Variants in CEBPZOS observed in about 807,000 individuals in gnomAD.
The protein encoded by CEBPZOS is CEBPZ opposite strand.
In CEBPZOS, 10 loss-of-function variants were observed where a neutral mutation model predicts 4.8. The observed-to-expected ratio is 2.07, with a 90% confidence interval of 1.28 to 3.52. CEBPZOS has a LOEUF of 3.52. Among genes scored for constraint, CEBPZOS ranks in the 30% most tolerant of loss-of-function variants. The pLI, the probability that CEBPZOS is intolerant of heterozygous loss-of-function variation, is 0.00. For missense variants in CEBPZOS, 98 were observed against 43.6 expected (o/e 2.25, Z -3.51); for synonymous variants, 25 against 14.2 (o/e 1.77, Z -1.72).
At chr2:37,211,179 G>T in intron 4 of CEBPZOS, 1 of 736,602 alleles carries the variant, frequency 1.4e-6, no homozygotes, top group Non-Finnish European at 2.2e-6. Context: ...CTGATGGTAA[G>T]GCACTATACT....
intron 3 of CEBPZOS, 74 bp from the exon 4 acceptor site, chr2:37,201,568 T>C: frequency 1.5e-6 from 1 of 646,168 alleles, no homozygotes; most frequent in Non-Finnish European, 2.8e-6. Context: ...AAAAAGAAGT[T>C]GTTTTTTTCA....
At chr2:37,215,688 C>G (rs1336084448), downstream of CEBPZOS, among the ~76,000 whole-genome samples, 2 of 152,058 alleles carry the variant, frequency 1.3e-5, no homozygotes, top group Non-Finnish European at 2.9e-5. Context: ...AGATGGCTAG[C>G]AAATATAGAA....
downstream of CEBPZOS, chr2:37,204,847 A>C (rs937401696): frequency 2.1e-4 from 32 of 152,206 alleles, no homozygotes; most frequent in Non-Finnish European, 2.9e-5. Context: ...ATGTCTTCTG[A>C]AACAGTACTT....
chr2:37,206,276 T>G (rs891202629), downstream of CEBPZOS, among the ~76,000 whole-genome samples: 1 of 152,232 alleles, frequency 6.6e-6, no homozygotes, highest in African/African-American at 2.4e-5. Context: ...GCTTCCTAAA[T>G]GAAGGAGAGA....
chr2:37,214,997 C>T, downstream of CEBPZOS: 1 of 1,194,684 alleles, frequency 8.4e-7, no homozygotes, highest in East Asian at 2.3e-5. Context: ...TAGCAATCCC[C>T]TTTATGTTAC....
rs1052783376 is a variant in CEBPZOS, at chr2:37,203,648, A to G, written c.*1788A>G. 6.6e-5 allele frequency: 10 copies of G among 152,236 alleles called. No homozygotes were observed. The highest frequency in any genetic ancestry group is 2.4e-4 in the African/African-American group (10 of 41,460). 9.4% of individuals were successfully genotyped at this position (152,236 alleles called of 1,614,324 possible). A position where few individuals can be genotyped will look rare whatever the true frequency, so the allele number is the denominator to read the frequency against. On this transcript the variant is annotated 3_prime_UTR_variant, in exon 5 of 5. Coordinates refer to ENST00000402297, the MANE Select transcript of CEBPZOS (RefSeq NM_001322374.2). The stretch of plus-strand genomic sequence containing the variant: ...TTAACGCATTTTGGTAAATTTACAG[A>G]CTTGTTCAACCACAACCACAGTCTG...
Position 37,201,316 on chromosome 2 carries a change from A to G in CEBPZOS, c.160+224A>G, listed in dbSNP as rs760386233. On this transcript the variant is annotated intron_variant, in intron 3 of 4. Transcript: ENST00000402297. ...GAATGTAAACTCTGGAATCATTCAT[A>G]TATGAGGTGATAGAATCAAACCACA... is the stretch of plus-strand genomic sequence containing the variant. The G allele has an allele frequency of 1.2e-4, 65 of 525,668 alleles. 1 individual carries two copies. The highest frequency in any genetic ancestry group is 7.2e-5 in the Admixed American group (2 of 27,612). The allele number at this position is 525,668 out of a possible 1,614,324, so 32.6% of individuals were successfully genotyped here. A position where few individuals can be genotyped will look rare whatever the true frequency, so the allele number is the denominator to read the frequency against.
downstream of CEBPZOS, chr2:37,216,144 A>G (rs754721661): frequency 1.2e-6 from 2 of 1,608,836 alleles, no homozygotes; most frequent in Non-Finnish European, 1.7e-6. Context: ...ACTTACCAGG[A>G]AGATGACGAA....
At chr2:37,211,660 C>A in intron 4 of CEBPZOS, 1 of 524,424 alleles carries the variant, frequency 1.9e-6, no homozygotes, top group Non-Finnish European at 3.3e-6. Flanking sequence ...AGAAAACACA[C>A]ATAACACACA....
exon 5 of CEBPZOS, chr2:37,213,622 C>T: frequency 5.7e-6 from 2 of 351,112 alleles, no homozygotes; most frequent in Non-Finnish European, 1.0e-5. Context: ...CCATATTGGC[C>T]AGGCTGGTCT....
Position 37,202,936 on chromosome 2 carries a change from T to C in CEBPZOS, c.*1076T>C. 6.3e-7 allele frequency: 1 copy of C among 1,592,962 alleles called. No homozygotes were observed. Among genetic ancestry groups the C allele is most frequent in the East Asian group, 2.3e-5 (1 of 44,244 alleles). On this transcript the variant is annotated 3_prime_UTR_variant, in exon 5 of 5. Coordinates refer to ENST00000402297, the MANE Select transcript of CEBPZOS (RefSeq NM_001322374.2). ...TAGAATAGCTAGCTTGTTAAAACAGTACATTAGCCTTACCTCTTCAGCAGA... is the reference window on the plus strand; with the variant it reads ...TAGAATAGCTAGCTTGTTAAAACAGCACATTAGCCTTACCTCTTCAGCAGA...
At chr2:37,214,406 A>C (rs1677819656), downstream of CEBPZOS, among the ~76,000 whole-genome samples, 1 of 152,136 alleles carries the variant, frequency 6.6e-6, no homozygotes, top group Non-Finnish European at 1.5e-5. Flanking sequence ...CACTGAATCC[A>C]TTCTAAGGGC....
At chr2:37,215,970 G>T, downstream of CEBPZOS, 2 of 422,944 alleles carry the variant, frequency 4.7e-6, no homozygotes, top group South Asian at 6.6e-5. Flanking sequence ...AAAAAAAAAG[G>T]CCCAGTCAGA....
chr2:37,212,281 C>T, intron 4 of CEBPZOS: 2 of 1,505,072 alleles, frequency 1.3e-6, no homozygotes, highest in Admixed American at 1.7e-5. Flanking sequence ...TTCTGAGGGA[C>T]AACAATTTGG....
chr2:37,209,798 A>G (rs1039119828), intron 4 of CEBPZOS: 1 of 152,230 alleles, frequency 6.6e-6, no homozygotes, highest in East Asian at 1.9e-4. Flanking sequence ...AATTAAGCTA[A>G]AAAGCGTCTG....
At position 37,202,015 on chromosome 2, in the gene CEBPZOS, TC is replaced by T; in HGVS notation, c.*158del. 1.1e-6 allele frequency: 1 copy of T among 879,070 alleles called. No homozygotes were observed. The highest frequency in any genetic ancestry group is 1.7e-6 in the Non-Finnish European group (1 of 574,608). 54.5% of individuals were successfully genotyped at this position (879,070 alleles called of 1,614,324 possible). A position where few individuals can be genotyped will look rare whatever the true frequency, so the allele number is the denominator to read the frequency against. ...TTCTAGCCTGCCTTGGCCTGTGGTTTCCCACCCACTATACAAACCCACTGCT... is the reference window on the plus strand; with the variant it reads ...TTCTAGCCTGCCTTGGCCTGTGGTTTCCACCCACTATACAAACCCACTGCT... On this transcript the variant is annotated 3_prime_UTR_variant, in exon 5 of 5. Transcript: ENST00000402297.
In CEBPZOS at chr2:37,211,069, G is replaced by A. The variant is rs748459356; in HGVS notation, c.*3-2368G>A. On this transcript the variant is annotated intron_variant, in intron 4 of 4. Coordinates refer to the CEBPZOS transcript ENST00000397064. ...TGCTTTTCTTAGTACTGACTTTGGA[G>A]TGGACTTCAAGTTCTGTTACACGAA... The A allele has an allele frequency of 6.2e-6, 10 of 1,608,420 alleles. No individual in the cohort carries two copies. In the Admixed American group the frequency reaches 1.4e-4, roughly 22 times the overall value.
downstream of CEBPZOS, among the ~76,000 whole-genome samples, chr2:37,207,200 T>G (rs776040134): frequency 6.6e-6 from 1 of 152,152 alleles, no homozygotes; most frequent in Non-Finnish European, 1.5e-5. Flanking sequence ...AACACAATAA[T>G]AGTGGGTGAC....
downstream of CEBPZOS, among the ~76,000 whole-genome samples, chr2:37,208,191 A>G (rs540512144): frequency 4.5e-4 from 69 of 152,332 alleles, no homozygotes; most frequent in South Asian, 0.014. Context: ...CCAGGACCAG[A>G]TGGATTCACA....
Sources: gnomAD v4.1 joint callset for allele counts (sites outside exome capture counted in the v4.1 genomes callset) on GRCh38, gnomAD v4.1.1 for gene constraint, MANE v1.5 for transcripts, NCBI Gene and HGNC (gene_info 2026-07-23, HGNC 2026-07-21) for gene names.